The following HYCC1 variants were observed in gnomAD, a reference collection of about 807,000 sequenced individuals.
The protein encoded by HYCC1 is hyccin PI4KA lipid kinase complex subunit 1.
chr7:22,972,890 G>A, the HYCC1 span, among the ~76,000 whole-genome samples: 3 of 152,038 alleles, frequency 2.0e-5, no homozygotes, highest in Non-Finnish European at 2.9e-5. Flanking sequence ...GTGGAGGGTG[G>A]GAAGTGTTCA....
the HYCC1 span, among the ~76,000 whole-genome samples, chr7:22,999,208 AT>A: frequency 6.6e-6 from 1 of 152,250 alleles, no homozygotes; most frequent in Non-Finnish European, 1.5e-5. Context: ...TTCACTAAAT[AT>A]AAAAATATCA....
At chr7:22,931,296 G>C in the HYCC1 span, among the ~76,000 whole-genome samples, 29 of 151,184 alleles carry the variant, frequency 1.9e-4, no homozygotes, top group Non-Finnish European at 2.2e-4. Context: ...CACTACGAGT[G>C]GTGACACTTC....
the HYCC1 span, among the ~76,000 whole-genome samples, chr7:23,005,026 C>A: frequency 6.6e-6 from 1 of 152,188 alleles, no homozygotes; most frequent in East Asian, 1.9e-4. Flanking sequence ...AGGATGGTCT[C>A]GATCTCCTGA....
At chr7:22,930,370 CAAAGTAAAAAGAAAAAGAA>C in the HYCC1 span, among the ~76,000 whole-genome samples, 2 of 84,170 alleles carry the variant, frequency 2.4e-5, no homozygotes, top group East Asian at 3.9e-4. Context: ...GAATTAGAAA[CAAAGTAAAAAGAAAAAGAA>C]AAAGAAAAAA....
At chr7:22,936,252 C>T in the HYCC1 span, 1 of 152,018 alleles carries the variant, frequency 6.6e-6, no homozygotes, top group Admixed American at 6.5e-5. Flanking sequence ...TTGATATAAT[C>T]AATCTGCCAC....
chr7:23,009,226 T>C, the HYCC1 span, among the ~76,000 whole-genome samples: 1 of 152,128 alleles, frequency 6.6e-6, no homozygotes. Flanking sequence ...AAGTGTTATT[T>C]ACCATTTATG....
the HYCC1 span, among the ~76,000 whole-genome samples, chr7:23,007,539 C>G: frequency 6.6e-6 from 1 of 152,134 alleles, no homozygotes; most frequent in South Asian, 2.1e-4. Context: ...TAGAGCCAAT[C>G]TATTTCAAAT....
the HYCC1 span, among the ~76,000 whole-genome samples, chr7:22,992,187 G>C: frequency 6.6e-6 from 1 of 151,886 alleles, no homozygotes; most frequent in Non-Finnish European, 1.5e-5. Flanking sequence ...AAAGTATCCA[G>C]ATATGCCTTA....
At chr7:22,950,874 T>A in the HYCC1 span, among the ~76,000 whole-genome samples, 1 of 151,420 alleles carries the variant, frequency 6.6e-6, no homozygotes, top group African/African-American at 2.4e-5. Context: ...AATGGAGTCA[T>A]GATTAATCCA....
At chr7:22,904,528 C>G in the HYCC1 span, among the ~76,000 whole-genome samples, 1 of 151,650 alleles carries the variant, frequency 6.6e-6, no homozygotes, top group Admixed American at 6.6e-5. Flanking sequence ...AAACATAATT[C>G]ATCATGCTTT....
At chr7:22,955,519 C>T in the HYCC1 span, among the ~76,000 whole-genome samples, 3 of 151,564 alleles carry the variant, frequency 2.0e-5, no homozygotes. Context: ...TTATTTGGAA[C>T]TATAACTTAA....
At chr7:22,964,219 T>C in the HYCC1 span, among the ~76,000 whole-genome samples, 2 of 152,152 alleles carry the variant, frequency 1.3e-5, no homozygotes, top group South Asian at 4.1e-4. Flanking sequence ...TTAGAAATTC[T>C]TCAGAACTTT....
the HYCC1 span, among the ~76,000 whole-genome samples, chr7:22,962,158 G>C: frequency 3.3e-5 from 5 of 152,194 alleles, no homozygotes; most frequent in Non-Finnish European, 5.9e-5. Context: ...GAACCCTAAA[G>C]GGAGACAGGT....
the HYCC1 span, among the ~76,000 whole-genome samples, chr7:22,928,254 C>T: frequency 8.7e-4 from 133 of 152,318 alleles, no homozygotes; most frequent in African/African-American, 2.9e-3. Flanking sequence ...AAACTGGAAG[C>T]ATTTCCTTTG....
At chr7:22,932,771 GGAC>G in the HYCC1 span, among the ~76,000 whole-genome samples, 1 of 152,022 alleles carries the variant, frequency 6.6e-6, no homozygotes, top group African/African-American at 2.4e-5. Flanking sequence ...GGAGTCACAG[GGAC>G]GACTGTATGG....
chr7:22,965,947 A>T, the HYCC1 span, among the ~76,000 whole-genome samples: 103 of 152,326 alleles, frequency 6.8e-4, no homozygotes, highest in Non-Finnish European at 1.1e-3. Flanking sequence ...ATATTTAAGG[A>T]GTACTAAAGC....
the HYCC1 span, among the ~76,000 whole-genome samples, chr7:22,989,689 T>C: frequency 3.3e-5 from 5 of 152,268 alleles, no homozygotes; most frequent in African/African-American, 1.2e-4. Context: ...AAAGCACTTC[T>C]GTAACATTCT....
At chr7:22,991,770 C>A in the HYCC1 span, among the ~76,000 whole-genome samples, 5 of 152,022 alleles carry the variant, frequency 3.3e-5, no homozygotes, top group Non-Finnish European at 5.9e-5. Context: ...TGTCAAAATA[C>A]AACGTATTTT....
At chr7:22,924,195 A>G in the HYCC1 span, among the ~76,000 whole-genome samples, 5,006 of 136,574 alleles carry the variant, frequency 0.037, 217 homozygotes, top group African/African-American at 0.094. Context: ...AAAAAAAAAA[A>G]GGGGGGTGGA....
Sources: gnomAD v4.1 joint callset for allele counts (sites outside exome capture counted in the v4.1 genomes callset) on GRCh38, gnomAD v4.1.1 for gene constraint, MANE v1.5 for transcripts, NCBI Gene and HGNC (gene_info 2026-07-23, HGNC 2026-07-21) for gene names.